The following TEX15 variants were observed in gnomAD, a reference collection of about 807,000 sequenced individuals.
TEX15 encodes the protein testis-expressed protein 15.
Under a neutral mutation model 237.3 loss-of-function variants are expected in TEX15, and 171 were observed. The ratio of observed to expected loss-of-function variants is 0.72; its 90% CI spans 0.64 to 0.82. TEX15 has a LOEUF of 0.82. TEX15 is among the 40% of genes least tolerant of loss of function. TEX15 has a pLI of 0.00. For synonymous variants in TEX15, 1,338 were observed against 1,269.8 expected (o/e 1.05, Z -1.14); for missense variants, 3,750 against 3,646.5 (o/e 1.03, Z -0.73).
intron 1 of TEX15, among the ~76,000 whole-genome samples, chr8:30,908,882 G>A (rs1809162294): frequency 6.6e-6 from 1 of 152,060 alleles, no homozygotes; most frequent in East Asian, 1.9e-4. Flanking sequence ...ACAAGTCCAT[G>A]TATCCTAAGA....
intron 2 of TEX15, among the ~76,000 whole-genome samples, chr8:30,889,919 T>C (rs1243264484): frequency 9.0e-6 from 1 of 111,694 alleles, no homozygotes; most frequent in African/African-American, 4.2e-5. Context: ...TATATATTTA[T>C]GTATTAGTTA....
intron 9 of TEX15, among the ~76,000 whole-genome samples, chr8:30,838,902 G>A (rs1225228379): frequency 4.8e-5 from 7 of 146,174 alleles, no homozygotes; most frequent in African/African-American, 1.3e-4. Context: ...TGCAACCTCC[G>A]CCTCCCAAGT....
intron 1 of TEX15, among the ~76,000 whole-genome samples, chr8:30,906,563 C>G (rs1242352379): frequency 1.3e-5 from 2 of 148,798 alleles, no homozygotes; most frequent in Non-Finnish European, 3.0e-5. Flanking sequence ...GCACTCCAGC[C>G]TGGGTGACAG....
chr8:30,844,128 CA>C lies in TEX15; in HGVS notation c.6038del (p.Leu2013CysfsTer12), dbSNP rs1206015033. 1.2e-6 allele frequency: 2 copies of C among 1,613,126 alleles called. No individual in the cohort carries two copies. Among genetic ancestry groups the C allele is most frequent in the Non-Finnish European group, 1.7e-6 (2 of 1,179,546 alleles). Reference sequence around the variant, plus strand: ...CCTTAGTTTCTTCCTGTAGAATCTGCAAAGATGATGCTTCATCTGCCCTCTG... The same window carrying C: ...CCTTAGTTTCTTCCTGTAGAATCTGCAAGATGATGCTTCATCTGCCCTCTG... ...ILQRADEASS[L>X]QILQEETKVC... is the part of the protein sequence containing the mutation. On this transcript the variant is annotated frameshift_variant, in exon 8 of 11. Transcript: ENST00000643185. LOFTEE classifies it high-confidence loss of function.
chr8:30,843,587 G>T lies in TEX15; in HGVS notation c.6580C>A (p.Pro2194Thr). The T allele has an allele frequency of 6.2e-7, 1 of 1,612,936 alleles. No homozygotes were observed. The highest frequency in any genetic ancestry group is 8.5e-7 in the Non-Finnish European group (1 of 1,179,690). ...CCAAAGTTAACTCCACAGGTAAATG[G>T]AACAGAAAGAGAAAAATCAAAGCAA... ...SDCFDFSLSV[P>T]FTCGVNFGDS... Residue 2194 changes from proline to threonine, a missense_variant, in exon 8 of 11, where the codon CCA becomes ACA. By Grantham distance (38) the Pro-to-Thr change is conservative (BLOSUM62 -1). Transcript: ENST00000643185.
At chr8:30,897,591 G>T (rs886678630) in intron 2 of TEX15, among the ~76,000 whole-genome samples, 8 of 152,128 alleles carry the variant, frequency 5.3e-5, no homozygotes, top group Non-Finnish European at 2.9e-5. Context: ...TGATTAATAT[G>T]TGGGTAACCA....
At chr8:30,906,663 G>A (rs1451166061) in intron 1 of TEX15, among the ~76,000 whole-genome samples, 2 of 151,454 alleles carry the variant, frequency 1.3e-5, no homozygotes, top group African/African-American at 4.8e-5. Context: ...CCTTGGATAA[G>A]CAGGCATGTA....
intron 2 of TEX15, among the ~76,000 whole-genome samples, chr8:30,897,987 T>C (rs1251261379): frequency 6.6e-6 from 1 of 152,190 alleles, no homozygotes; most frequent in African/African-American, 2.4e-5. Flanking sequence ...TGCTTATGTA[T>C]TGGTTCAAAC....
rs1208726778 is a variant in TEX15 at position 30,887,909 on chromosome 8, T to TG, written c.-9-599_-9-598insC. On this transcript the variant is annotated intron_variant, in intron 2 of 10. Coordinates refer to ENST00000643185, the MANE Select transcript of TEX15 (RefSeq NM_001350162.2). ...TATTTCATATATATATATATATATA[T>TG]ATATATATATATATATATATGAATT... is the stretch of plus-strand genomic sequence containing the variant. The TG allele has an allele frequency of 1.4e-5, 2 of 141,746 alleles. 1 individual carries two copies. The highest frequency in any genetic ancestry group is 5.1e-5 in the African/African-American group (2 of 39,312). 8.8% of individuals were successfully genotyped at this position (141,746 alleles called of 1,614,324 possible). A position where few individuals can be genotyped will look rare whatever the true frequency, so the allele number is the denominator to read the frequency against.
intron 3 of TEX15, among the ~76,000 whole-genome samples, chr8:30,883,065 C>A (rs188285930): frequency 6.6e-6 from 1 of 152,144 alleles, no homozygotes; most frequent in South Asian, 2.1e-4. Flanking sequence ...GCCACCATGA[C>A]TGGCCCTGTA....
chr8:30,851,776 A>C (rs1465002686), intron 7 of TEX15, among the ~76,000 whole-genome samples: 2 of 152,142 alleles, frequency 1.3e-5, no homozygotes, highest in Non-Finnish European at 2.9e-5. Context: ...GTCTGTACTA[A>C]AAATACAAAA....
Position 30,847,945 on chromosome 8 carries a change from A to G in TEX15, c.2222T>C (p.Ile741Thr). Residue 741 changes from isoleucine (I) to threonine (T), a missense_variant, in exon 8 of 11, where the codon ATT becomes ACT. By Grantham distance (89) the Ile-to-Thr change is moderately conservative. Coordinates refer to ENST00000643185, the MANE Select transcript of TEX15 (RefSeq NM_001350162.2). Reference protein sequence around the residue: ...YEGNIHTSLAIAQKLMELKLG... With the variant: ...YEGNIHTSLATAQKLMELKLG... ...TTTCAGTTCCATTAGCTTTTGAGCA[A>G]TGGCTAAACTTGTATGAATGTTACC... is the stretch of plus-strand genomic sequence containing the variant. 1 of 1,614,014 alleles carries G rather than the reference A, an allele frequency of 6.2e-7. No individual in the cohort carries two copies. The highest frequency in any genetic ancestry group is 8.5e-7 in the Non-Finnish European group (1 of 1,179,958).
chr8:30,889,407 G>T (rs939431603), intron 2 of TEX15, among the ~76,000 whole-genome samples: 2 of 152,060 alleles, frequency 1.3e-5, no homozygotes, highest in Admixed American at 6.6e-5. Flanking sequence ...AGCAGAGATC[G>T]CACCATTGCA....
At position 30,840,899 on chromosome 8, in the gene TEX15, A is replaced by G. The variant is rs370927199; in HGVS notation, c.8164-935T>C. On this transcript the variant is annotated intron_variant, in intron 8 of 10. Coordinates refer to ENST00000643185, the MANE Select transcript of TEX15 (RefSeq NM_001350162.2). ...CTTACCCACTAAGTTAAATTGTTCC[A>G]GACTTAATTTAAAAATTATATATAT... Among the ~76,000 whole-genome samples the G allele has an allele frequency of 1.8e-4, 27 of 152,234 alleles. No individual in the cohort carries two copies. The East Asian group carries it at 4.1e-3, about 23-fold the overall frequency.
At chr8:30,886,675 A>G (rs1296170212) in intron 3 of TEX15, among the ~76,000 whole-genome samples, 2 of 152,144 alleles carry the variant, frequency 1.3e-5, no homozygotes, top group East Asian at 1.9e-4. Flanking sequence ...CCCCAGTGGG[A>G]AACGGGAGGG....
chr8:30,846,886 TTA>T lies in TEX15; in HGVS notation c.3279_3280del (p.Tyr1093Ter). 6.2e-7 allele frequency: 1 copy of T among 1,613,836 alleles called. No homozygotes were observed. Among genetic ancestry groups the T allele is most frequent in the South Asian group, 1.1e-5 (1 of 91,056 alleles). The stretch of plus-strand genomic sequence containing the variant: ...CCAACTGATACGAGACTTCAGAGCC[TTA>T]TATGAGGTCACAAATTCTTCACAAA... On this transcript the variant is annotated stop_gained and frameshift_variant, in exon 8 of 11. Transcript: ENST00000643185. LOFTEE classifies it high-confidence loss of function.
At chr8:30,879,242 C>T (rs1421039358) in intron 3 of TEX15, among the ~76,000 whole-genome samples, 1 of 152,140 alleles carries the variant, frequency 6.6e-6, no homozygotes, top group Non-Finnish European at 1.5e-5. Flanking sequence ...TATCTTCTCA[C>T]CTTCCTAACA....
At chr8:30,875,232 AT>A in intron 3 of TEX15, 130 bp from the exon 4 acceptor site, 3 of 503,108 alleles carry the variant, frequency 6.0e-6, no homozygotes, top group Non-Finnish European at 9.2e-6. Flanking sequence ...TAAGGCAACC[AT>A]TTGTATTTAA....
At chr8:30,909,946 G>A (rs917893925) in intron 1 of TEX15, among the ~76,000 whole-genome samples, 6 of 152,052 alleles carry the variant, frequency 3.9e-5, no homozygotes, top group South Asian at 2.1e-4. Context: ...GACCTAACAG[G>A]ATAACATGTA....
Sources: allele counts gnomAD v4.1 joint callset (sites outside exome capture counted in the v4.1 genomes callset), GRCh38; gene constraint gnomAD v4.1.1; transcripts MANE v1.5; gene names NCBI Gene and HGNC (gene_info 2026-07-23, HGNC 2026-07-21).